Variants in URB1 observed in about 807,000 individuals in gnomAD.
URB1 encodes nucleolar pre-ribosomal-associated protein 1.
Under a neutral mutation model 242.3 loss-of-function variants are expected in URB1, and 197 were observed. The ratio of observed to expected loss-of-function variants is 0.81; its 90% confidence interval spans 0.72 to 0.91. URB1 has a LOEUF of 0.91. Among genes scored for constraint, URB1 ranks in the 40% least tolerant of loss-of-function variants. The probability of loss-of-function intolerance (pLI) is 0.00; values close to 1 mark genes in which losing one functional copy is unlikely to be tolerated. For synonymous variants in URB1, 1,153 were observed against 1,201.8 expected (o/e 0.96, Z 0.84); for missense variants, 2,721 against 2,860.5 (o/e 0.95, Z 1.11).
In URB1 at chr21:32,324,774, G is replaced by A. The variant is rs372927330; in HGVS notation, c.5122-172C>T. On this transcript the variant is annotated intron_variant, in intron 31 of 38. Coordinates refer to ENST00000382751, the MANE Select transcript of URB1 (RefSeq NM_014825.3). ...AGACACACTACTTGCCAGCATCTCC[G>A]GAACGCTTTTCGTTTTTATTTTAGG... is the stretch of plus-strand genomic sequence containing the variant. Among the ~76,000 whole-genome samples, 9 of 152,276 alleles carry A rather than the reference G, an allele frequency of 5.9e-5. No individual in the cohort carries two copies. The East Asian group carries it at 7.7e-4, about 13-fold the overall frequency.
intron 4 of URB1, 101 bp downstream of exon 4, chr21:32,383,321 C>T (rs968019739): frequency 7.3e-7 from 1 of 1,370,810 alleles, no homozygotes; most frequent in Non-Finnish European, 9.7e-7. Context: ...CCTCTCATTT[C>T]ATCTGTGTGG....
At chr21:32,321,662 C>A (rs1010402379) in intron 34 of URB1, 139 bp downstream of exon 34, 1 of 1,296,386 alleles carries the variant, frequency 7.7e-7, no homozygotes, top group Non-Finnish European at 1.0e-6. Context: ...CAACATCTCA[C>A]TTCCCCTAAC....
intron 28 of URB1, among the ~76,000 whole-genome samples, chr21:32,336,202 T>G (rs1370534168): frequency 6.6e-6 from 1 of 152,148 alleles, no homozygotes; most frequent in Non-Finnish European, 1.5e-5. Context: ...AAAAAATGTT[T>G]TCATTTCCTT....
In URB1 at chr21:32,324,596, A is replaced by G; in HGVS notation, c.5128T>C (p.Tyr1710His). ...ARFQEQSQLL[Y>H]LLDVVRNGIR... Reference sequence around the variant, plus strand: ...CCATTCCGGACTACATCCAACAGGTAAAGTAGCTTGAAAACAGAACAGAAA... The same window carrying G: ...CCATTCCGGACTACATCCAACAGGTGAAGTAGCTTGAAAACAGAACAGAAA... Residue 1710 changes from tyrosine to histidine, a missense_variant, in exon 32 of 39, where the codon TAC (tyrosine) becomes CAC (histidine). Physicochemically the swap from Tyr to His is moderately conservative, Grantham distance 83 (BLOSUM62 2). Coordinates refer to ENST00000382751, the MANE Select transcript of URB1 (RefSeq NM_014825.3). 6.4e-7 allele frequency: 1 copy of G among 1,551,082 alleles called. No homozygotes were observed. The highest frequency in any genetic ancestry group is 8.7e-7 in the Non-Finnish European group (1 of 1,146,370).
intron 25 of URB1, among the ~76,000 whole-genome samples, chr21:32,340,609 G>C (rs923117277): frequency 6.6e-6 from 1 of 152,148 alleles, no homozygotes; most frequent in African/African-American, 2.4e-5. Flanking sequence ...GCAAAACTCT[G>C]TCTCAAAAAC....
At chr21:32,389,925 G>A (rs998594836) in intron 1 of URB1, among the ~76,000 whole-genome samples, 9 of 152,202 alleles carry the variant, frequency 5.9e-5, no homozygotes, top group African/African-American at 1.9e-4. Flanking sequence ...CACGAAGGGA[G>A]CATCATCAGA....
chr21:32,342,734 C>T (rs1045921751), intron 24 of URB1, among the ~76,000 whole-genome samples: 3 of 152,004 alleles, frequency 2.0e-5, no homozygotes, highest in South Asian at 4.2e-4. Flanking sequence ...GAATTACAGG[C>T]GCGTGCCACC....
chr21:32,313,742 C>G lies in URB1; in HGVS notation c.*1176G>C, dbSNP rs1392093865. The G allele has an allele frequency of 6.6e-6, 1 of 152,250 alleles. No individual in the cohort carries two copies. Among genetic ancestry groups the G allele is most frequent in the Non-Finnish European group, 1.5e-5 (1 of 68,064 alleles). 9.4% of individuals were successfully genotyped at this position (152,250 alleles called of 1,614,324 possible). The stretch of plus-strand genomic sequence containing the variant: ...AACAGCCACATCCTAGGCCACAGAG[C>G]AGATCCCAAGAGCCCCAGGCATGCA... On this transcript the variant is annotated 3_prime_UTR_variant, in exon 39 of 39. Coordinates refer to ENST00000382751, the MANE Select transcript of URB1 (RefSeq NM_014825.3).
intron 1 of URB1, among the ~76,000 whole-genome samples, chr21:32,390,535 T>A (rs1276417006): frequency 2.0e-5 from 3 of 152,122 alleles, no homozygotes; most frequent in Non-Finnish European, 4.4e-5. Context: ...CTTTGTCAGA[T>A]GAGTAGATTG....
intron 33 of URB1, 91 bp from the exon 34 acceptor site, chr21:32,322,035 A>C (rs565307178): frequency 6.9e-7 from 1 of 1,446,646 alleles, no homozygotes; most frequent in Admixed American, 2.1e-5. Flanking sequence ...AAGTGGTGGC[A>C]AAAGTTGTAA....
In URB1 at chr21:32,368,412, T is replaced by C. The variant is rs1568827636; in HGVS notation, c.1188A>G (p.Leu396=). Residue 396 remains leucine, a synonymous_variant, in exon 9 of 39, where the codon CTA becomes CTG. Transcript: ENST00000382751. The part of the protein sequence containing the change: ...AKSTWLNNIK[L]LNKIYEAQPE... ...TATCATGTTTTTTTACCTTGTTTAG[T>C]AGTTTGATATTATTTAACCAAGTAG... The C allele has an allele frequency of 1.3e-6, 2 of 1,542,632 alleles. No individual in the cohort carries two copies. The highest frequency in any genetic ancestry group is 2.4e-5 in the South Asian group (2 of 82,336).
At chr21:32,350,555 G>T in intron 20 of URB1, 149 bp downstream of exon 20, 1 of 919,658 alleles carries the variant, frequency 1.1e-6, no homozygotes, top group Non-Finnish European at 1.6e-6. Context: ...AGAGTTTGCA[G>T]CTGAGGTCTG....
intron 1 of URB1, among the ~76,000 whole-genome samples, chr21:32,390,029 G>A (rs184561476): frequency 3.9e-4 from 60 of 152,282 alleles, no homozygotes; most frequent in Admixed American, 7.8e-4. Context: ...TAGGTTATGA[G>A]AGCGTATAAA....
chr21:32,348,359 G>A (rs1388603564), intron 21 of URB1, among the ~76,000 whole-genome samples: 1 of 152,120 alleles, frequency 6.6e-6, no homozygotes, highest in African/African-American at 2.4e-5. Context: ...TTAAACCACC[G>A]TGTGTCTACG....
rs2033374872 is a variant in URB1 at position 32,368,821 on chromosome 21, T to C, written c.1002-223A>G. 2.7e-5 allele frequency among the ~76,000 whole-genome samples: 4 copies of C among 146,854 alleles called. No homozygotes were observed. The South Asian group carries it at 8.4e-4, about 31-fold the overall frequency. On this transcript the variant is annotated intron_variant, in intron 8 of 38. Coordinates refer to ENST00000382751, the MANE Select transcript of URB1 (RefSeq NM_014825.3). Reference sequence around the variant, plus strand: ...CTCTACTTCTGAGTGGCTGAAAAAGTCTCTGTCCTGCGATCTTTCTTCTTT... The same window carrying C: ...CTCTACTTCTGAGTGGCTGAAAAAGCCTCTGTCCTGCGATCTTTCTTCTTT...
In URB1 at chr21:32,349,326, G is replaced by A. The variant is rs150622848; in HGVS notation, c.2990C>T (p.Ser997Leu). ...TACCTGATCATTGGCCAACTCCAGC[G>A]AGGCCACGGACTCCATGTCCAGGAA... Reference protein sequence around the residue: ...DLFLDMESVASLELANDQTLE... With the variant: ...DLFLDMESVALLELANDQTLE... The change falls in exon 21 of 39, where the codon TCG becomes TTG. Residue 997 changes from serine (S) to leucine (L), a missense_variant. Transcript: ENST00000382751. 1.4e-4 allele frequency: 224 copies of A among 1,547,096 alleles called. No homozygotes were observed. In the East Asian group the frequency reaches 4.9e-3, roughly 34 times the overall value.
chr21:32,328,913 C>G (rs1050388965), intron 30 of URB1, among the ~76,000 whole-genome samples: 1 of 152,160 alleles, frequency 6.6e-6, no homozygotes, highest in Non-Finnish European at 1.5e-5. Flanking sequence ...GTGGCCTTAA[C>G]AGACCTTCAG....
intron 5 of URB1, among the ~76,000 whole-genome samples, chr21:32,376,932 G>C (rs1261558201): frequency 6.6e-6 from 1 of 152,138 alleles, no homozygotes; most frequent in Non-Finnish European, 1.5e-5. Flanking sequence ...AAAATGCTGG[G>C]ATTACAGGTG....
chr21:32,333,531 T>C, intron 29 of URB1, 112 bp from the exon 30 acceptor site: 2 of 829,954 alleles, frequency 2.4e-6, no homozygotes, highest in Admixed American at 2.9e-5. Flanking sequence ...GATTTTGGAA[T>C]ATTTGCATAC....
Sources: allele counts gnomAD v4.1 joint callset (sites outside exome capture counted in the v4.1 genomes callset), GRCh38; gene constraint gnomAD v4.1.1; transcripts MANE v1.5; gene names NCBI Gene and HGNC (gene_info 2026-07-23, HGNC 2026-07-21).